F11: variants seen among roughly 807,000 people sequenced by gnomAD.
F11 encodes the protein coagualtion factor XI.
A neutral mutation model predicts 76.5 loss-of-function variants in F11; 78 were observed. That is an observed-to-expected ratio of 1.02 (90% confidence interval 0.85 to 1.23). The LOEUF (loss-of-function observed/expected upper bound fraction) is 1.23, where lower values mean the gene tolerates loss of function less well. Among genes scored for constraint, F11 ranks in the 50% most tolerant of loss-of-function variants. The pLI is 0.00. For synonymous variants in F11, 278 were observed against 276.3 expected (o/e 1.01, Z -0.06); for missense variants, 742 against 771.4 (o/e 0.96, Z 0.45).
intron 10 of F11, among the ~76,000 whole-genome samples, chr4:186,280,990 G>A (rs1261093614): frequency 6.6e-6 from 1 of 150,770 alleles, no homozygotes; most frequent in African/African-American, 2.4e-5. Flanking sequence ...TTAGCTCCCT[G>A]AGTAGCTGGG....
intron 11 of F11, among the ~76,000 whole-genome samples, chr4:186,285,333 G>C (rs990917960): frequency 5.9e-5 from 9 of 151,724 alleles, no homozygotes; most frequent in Non-Finnish European, 1.2e-4. Flanking sequence ...GTGTGTGTGT[G>C]TGCGTGTGTG....
chr4:186,287,816 C>G lies in F11; in HGVS notation c.1709C>G (p.Ala570Gly), dbSNP rs760485042. Residue 570 changes from alanine (A) to glycine (G), a missense_variant, in exon 14 of 15, where the codon GCT becomes GGT. Coordinates refer to ENST00000403665, the MANE Select transcript of F11 (RefSeq NM_000128.4). The part of the protein sequence containing the change: ...CAGYREGGKD[A>G]CKGDSGGPLS... ...GGCTACAGGGAAGGAGGGAAGGACG[C>G]TTGCAAGGTAACAGAGTGTTCTTAG... 6 of 1,612,564 alleles carry G rather than the reference C, an allele frequency of 3.7e-6. No homozygotes were observed. The highest frequency in any genetic ancestry group is 3.3e-5 in the Admixed American group (2 of 59,954).
intron 9 of F11, 39 bp from the exon 10 acceptor site, chr4:186,280,435 A>C: frequency 6.2e-7 from 1 of 1,614,096 alleles, no homozygotes; most frequent in Non-Finnish European, 8.5e-7. Flanking sequence ...TCTGCCTGTG[A>C]GGTGCATTAT....
At position 186,281,799 on chromosome 4, in the gene F11, A is replaced by C. The variant is rs900680277; in HGVS notation, c.1135+1219A>C. ...TCGTGATAGTTTTAGAAGCACAAAA[A>C]CATTCTGTGTCAGATTATCTGCTGT... is the stretch of plus-strand genomic sequence containing the variant. On this transcript the variant is annotated intron_variant, in intron 10 of 14. Coordinates refer to ENST00000403665, the MANE Select transcript of F11 (RefSeq NM_000128.4). 36 of 991,400 alleles carry C rather than the reference A, an allele frequency of 3.6e-5. No individual in the cohort carries two copies. The East Asian group carries it at 2.1e-3, about 59-fold the overall frequency. 61.4% of individuals were successfully genotyped at this position (991,400 alleles called of 1,614,324 possible).
At chr4:186,266,527 G>A (rs1739511300) in intron 1 of F11, among the ~76,000 whole-genome samples, 1 of 152,162 alleles carries the variant, frequency 6.6e-6, no homozygotes, top group Admixed American at 6.5e-5. Flanking sequence ...CGTTTTACGA[G>A]TTAAAAAGAC....
At chr4:186,271,160 C>G (rs185580912) in intron 2 of F11, among the ~76,000 whole-genome samples, 1 of 152,204 alleles carries the variant, frequency 6.6e-6, no homozygotes, top group South Asian at 2.1e-4. Context: ...TGTGTGTTAT[C>G]ACACCCCCGA....
chr4:186,268,095 G>A (rs1186611203), intron 2 of F11, among the ~76,000 whole-genome samples: 1 of 151,880 alleles, frequency 6.6e-6, no homozygotes, highest in Non-Finnish European at 1.5e-5. Flanking sequence ...CCTGAATCAG[G>A]GGTTCCACAT....
At position 186,268,651 on chromosome 4, in the gene F11, G is replaced by A. The variant is rs190524001; in HGVS notation, c.55+1460G>A. On this transcript the variant is annotated intron_variant, in intron 2 of 14. Transcript: ENST00000403665. ...CTAGAATAATAATAAAAAGGGAATT[G>A]AAAATCTGCAAATGTTTGAAAATTG... 4.8e-3 allele frequency among the ~76,000 whole-genome samples: 730 copies of A among 152,038 alleles called. 1 individual carries two copies. The highest frequency in any genetic ancestry group is 0.011 in the South Asian group (54 of 4,810).
Position 186,284,221 on chromosome 4 carries a change from G to A in F11, c.1265G>A (p.Gly422Glu), listed in dbSNP as rs1263821606. 6.2e-7 allele frequency: 1 copy of A among 1,614,242 alleles called. No homozygotes were observed. Among genetic ancestry groups the A allele is most frequent in the Non-Finnish European group, 8.5e-7 (1 of 1,180,048 alleles). ...QRHLCGGSII[G>E]NQWILTAAHC... is the part of the protein sequence containing the mutation. Reference sequence around the variant, plus strand: ...CACCTGTGTGGAGGCTCCATCATTGGAAACCAGTGGATATTAACAGCCGCT... The same window carrying A: ...CACCTGTGTGGAGGCTCCATCATTGAAAACCAGTGGATATTAACAGCCGCT... The change falls in exon 11 of 15, where the codon GGA (glycine) becomes GAA (glutamate). Residue 422 changes from glycine to glutamate, a missense_variant. Physicochemically the swap from Gly to Glu is moderately conservative, Grantham distance 98. Coordinates refer to ENST00000403665, the MANE Select transcript of F11 (RefSeq NM_000128.4).
In F11 at chr4:186,272,961, A is replaced by C. The variant is rs1740087967; in HGVS notation, c.219-110A>C. 9 of 717,444 alleles carry C rather than the reference A, an allele frequency of 1.3e-5. No individual in the cohort carries two copies. The South Asian group carries it at 1.3e-4, about 11-fold the overall frequency. The allele number at this position is 717,444 out of a possible 1,614,324, so 44.4% of individuals were successfully genotyped here. A position where few individuals can be genotyped will look rare whatever the true frequency, so the allele number is the denominator to read the frequency against. ...AAGAAAATATTTGTTTTGGCATGAG[A>C]TAAAGTAGTTTGTTTCCTTCTTTTT... On this transcript the variant is annotated intron_variant, in intron 3 of 14. Transcript: ENST00000403665.
chr4:186,274,760 T>G (rs558985421), intron 5 of F11: 8 of 186,676 alleles, frequency 4.3e-5, no homozygotes, highest in African/African-American at 9.5e-5. Flanking sequence ...GATTTAAAAA[T>G]TATCTGATCT....
At chr4:186,273,907 A>T (rs925974950) in intron 4 of F11, among the ~76,000 whole-genome samples, 11 of 152,242 alleles carry the variant, frequency 7.2e-5, no homozygotes, top group African/African-American at 2.7e-4. Context: ...ATGTGAATTT[A>T]CAAGTCTAAA....
At chr4:186,284,064 G>A (rs764164230) in intron 10 of F11, 28 bp from the exon 11 acceptor site, 85 of 1,613,992 alleles carry the variant, frequency 5.3e-5, no homozygotes, top group Non-Finnish European at 6.9e-5. Context: ...GATGTAGGAA[G>A]CTGCTCATCA....
chr4:186,280,752 G>C (rs922386766), intron 10 of F11, among the ~76,000 whole-genome samples, 172 bp downstream of exon 10: 1 of 152,010 alleles, frequency 6.6e-6, no homozygotes, highest in Non-Finnish European at 1.5e-5. Flanking sequence ...ATGTTTTAAA[G>C]GTAAATATTG....
intron 11 of F11, among the ~76,000 whole-genome samples, chr4:186,284,492 C>T (rs751944794): frequency 5.9e-5 from 9 of 152,188 alleles, no homozygotes; most frequent in Non-Finnish European, 8.8e-5. Context: ...CCCATTTAAC[C>T]GCATTCACAT....
chr4:186,288,381 G>A, intron 14 of F11, 72 bp from the exon 15 acceptor site: 1 of 1,601,466 alleles, frequency 6.2e-7, no homozygotes, highest in Non-Finnish European at 8.6e-7. Context: ...AAATCAGCCT[G>A]AGCAAGATGT....
At chr4:186,282,414 G>A in intron 10 of F11, 1 of 985,422 alleles carries the variant, frequency 1.0e-6, no homozygotes, top group Non-Finnish European at 1.2e-6. Flanking sequence ...ACCCCCTAAT[G>A]TGAAAGGGAA....
In F11 at chr4:186,285,737, C is replaced by T; in HGVS notation, c.1404C>T (p.Ile468=). The change falls in exon 12 of 15, where the codon ATC becomes ATT. Residue 468 remains isoleucine, a synonymous_variant. Transcript: ENST00000403665. ...TSFFGVQEII[I]HDQYKMAESG... ...TCTTTGGGGTTCAAGAAATAATAAT[C>T]CATGATCAGTATAAAATGGCAGAAA... The T allele has an allele frequency of 6.2e-7, 1 of 1,614,064 alleles. No individual in the cohort carries two copies. The highest frequency in any genetic ancestry group is 2.2e-5 in the East Asian group (1 of 44,880).
At chr4:186,288,318 A>C (rs1741367782) in intron 14 of F11, 135 bp from the exon 15 acceptor site, 5 of 1,035,938 alleles carry the variant, frequency 4.8e-6, no homozygotes, top group Non-Finnish European at 6.1e-6. Context: ...GGATGAACGC[A>C]AGCACCCAGG....
Sources: gnomAD v4.1 joint callset for allele counts (sites outside exome capture counted in the v4.1 genomes callset) on GRCh38, gnomAD v4.1.1 for gene constraint, MANE v1.5 for transcripts, NCBI Gene and HGNC (gene_info 2026-07-23, HGNC 2026-07-21) for gene names.